Variants in MMP20 observed in about 807,000 individuals in gnomAD.
The protein encoded by MMP20 is matrix metallopeptidase 20, also known as matrix metalloproteinase-20.
MMP20 carries 50 observed loss-of-function variants against 51.8 expected under a neutral mutation model. The ratio of observed to expected loss-of-function variants is 0.97; its 90% CI spans 0.77 to 1.22. MMP20 has a LOEUF of 1.22. Among genes scored for constraint, MMP20 ranks in the 50% most tolerant of loss-of-function variants. The pLI, the probability that MMP20 is intolerant of heterozygous loss-of-function variation, is 0.00. For synonymous variants in MMP20, 244 were observed against 216.2 expected (o/e 1.13, Z -1.13); for missense variants, 663 against 601.4 (o/e 1.10, Z -1.07).
At chr11:102,623,612 G>C (rs915505746) in intron 1 of MMP20, among the ~76,000 whole-genome samples, 1 of 152,180 alleles carries the variant, frequency 6.6e-6, no homozygotes, top group Non-Finnish European at 1.5e-5. Flanking sequence ...CTGGTCAGGG[G>C]TGACTAATTT....
intron 8 of MMP20, among the ~76,000 whole-genome samples, chr11:102,581,258 GC>G (rs1478601410): frequency 6.6e-6 from 1 of 152,054 alleles, no homozygotes; most frequent in African/African-American, 2.4e-5. Flanking sequence ...ATTTATTCTG[GC>G]CCCAAGAACA....
intron 1 of MMP20, 117 bp from the exon 2 acceptor site, chr11:102,617,176 C>T: frequency 8.0e-7 from 1 of 1,250,744 alleles, no homozygotes; most frequent in East Asian, 2.4e-5. Context: ...AGTATTTTCC[C>T]ATTTATGAAA....
rs1168517234 is a variant in MMP20, at chr11:102,601,125, C to CTTTTTTTTTTTTTTT, written c.953+5395_953+5409dup. Among the ~76,000 whole-genome samples the CTTTTTTTTTTTTTTT allele has an allele frequency of 1.8e-4, 5 of 28,266 alleles. 1 individual carries two copies. The highest frequency in any genetic ancestry group is 5.1e-4 in the African/African-American group (3 of 5,852). The allele number at this position is 28,266 out of a possible 152,430, so 18.5% of individuals were successfully genotyped here. On this transcript the variant is annotated intron_variant, in intron 6 of 9. Coordinates refer to ENST00000260228, the MANE Select transcript of MMP20 (RefSeq NM_004771.4). Reference sequence around the variant, plus strand: ...AAATGACCACGAAGTGTCGGCTATTCTTTTTTTTTTTTTTTTTTTTTTTTT... The same window carrying CTTTTTTTTTTTTTTT: ...AAATGACCACGAAGTGTCGGCTATTCTTTTTTTTTTTTTTTTTTTTTTTTTTTTTTTTTTTTTTTT...
chr11:102,593,095 T>A (rs2292733), intron 8 of MMP20, among the ~76,000 whole-genome samples: 54,277 of 152,068 alleles, frequency 0.36, 10,037 homozygotes, highest in East Asian at 0.46. Flanking sequence ...GATGGTCACA[T>A]AACAGCAAAG....
intron 3 of MMP20, among the ~76,000 whole-genome samples, chr11:102,610,369 G>C (rs1272752775): frequency 6.6e-6 from 1 of 152,006 alleles, no homozygotes; most frequent in Non-Finnish European, 1.5e-5. Flanking sequence ...GGGCGGGGCG[G>C]GGCGGCGGGG....
At chr11:102,580,588 G>A (rs771663367) in intron 8 of MMP20, among the ~76,000 whole-genome samples, 5 of 152,240 alleles carry the variant, frequency 3.3e-5, no homozygotes, top group Non-Finnish European at 5.9e-5. Flanking sequence ...GGAGCTAGGG[G>A]TGGAAGCTAA....
intron 1 of MMP20, among the ~76,000 whole-genome samples, chr11:102,623,437 G>T (rs1859775923): frequency 1.3e-5 from 2 of 152,296 alleles, no homozygotes; most frequent in South Asian, 4.1e-4. Context: ...CATGTGTGAG[G>T]GACCTAGGTT....
At chr11:102,595,146 C>T (rs143943300) in intron 6 of MMP20, among the ~76,000 whole-genome samples, 109 of 152,170 alleles carry the variant, frequency 7.2e-4, no homozygotes, top group Non-Finnish European at 1.1e-3. Flanking sequence ...AGGCTGGTCT[C>T]GAACTCCTGA....
chr11:102,616,090 A>T (rs1241599761), intron 2 of MMP20, among the ~76,000 whole-genome samples: 1 of 152,094 alleles, frequency 6.6e-6, no homozygotes. Flanking sequence ...CCCTTGGTTT[A>T]TAAGGGATGA....
At chr11:102,588,699 G>GT (rs1401611390) in intron 8 of MMP20, among the ~76,000 whole-genome samples, 1 of 151,600 alleles carries the variant, frequency 6.6e-6, no homozygotes, top group East Asian at 1.9e-4. Flanking sequence ...CTGGATTTTT[G>GT]TGGGGGCTTG....
Position 102,606,522 on chromosome 11 carries a change from G to A in MMP20, c.953+13C>T, listed in dbSNP as rs17098826. On this transcript the variant is annotated intron_variant, in intron 6 of 9. Transcript: ENST00000260228. The stretch of plus-strand genomic sequence containing the variant: ...GAGGCCCAATGAGAGTCGGTGGCGT[G>A]TCTGAGGCTTACCGGTCCTTGAAGA... 2.5e-6 allele frequency: 4 copies of A among 1,613,688 alleles called. No homozygotes were observed. The highest frequency in any genetic ancestry group is 2.2e-5 in the South Asian group (2 of 91,066).
intron 8 of MMP20, among the ~76,000 whole-genome samples, chr11:102,590,502 A>G (rs937711982): frequency 3.4e-4 from 51 of 152,182 alleles, no homozygotes; most frequent in African/African-American, 1.2e-3. Flanking sequence ...TCCTCTGTGG[A>G]GGAAGTTCCT....
intron 8 of MMP20, among the ~76,000 whole-genome samples, chr11:102,589,086 G>A (rs1784448): frequency 0.28 from 43,106 of 152,064 alleles, 6,449 homozygotes; most frequent in South Asian, 0.39. Context: ...CCCTAGAAAG[G>A]CATTGACACT....
At chr11:102,622,301 G>A (rs530881701) in intron 1 of MMP20, among the ~76,000 whole-genome samples, 1 of 152,228 alleles carries the variant, frequency 6.6e-6, no homozygotes, top group Admixed American at 6.5e-5. Flanking sequence ...GCATCCCTAA[G>A]CACTCTCTCT....
chr11:102,581,929 A>G (rs1361244689), intron 8 of MMP20, among the ~76,000 whole-genome samples: 7 of 152,204 alleles, frequency 4.6e-5, no homozygotes, highest in Admixed American at 4.6e-4. Flanking sequence ...AAATCATTGC[A>G]TATATCCTCT....
intron 9 of MMP20, 151 bp downstream of exon 9, chr11:102,578,888 C>T (rs1324215363): frequency 1.4e-5 from 9 of 650,602 alleles, no homozygotes; most frequent in African/African-American, 3.6e-5. Flanking sequence ...TTCTAGTGGA[C>T]AATCTGTTTA....
chr11:102,609,772 T>C, intron 4 of MMP20, 133 bp downstream of exon 4: 1 of 1,287,944 alleles, frequency 7.8e-7, no homozygotes, highest in South Asian at 1.2e-5. Context: ...TTTTGGATTT[T>C]TGGCTTACTT....
In MMP20 at chr11:102,625,329, G is replaced by A; in HGVS notation, c.-10C>T. The A allele has an allele frequency of 6.2e-7, 1 of 1,612,708 alleles. No homozygotes were observed. Among genetic ancestry groups the A allele is most frequent in the Non-Finnish European group, 8.5e-7 (1 of 1,179,288 alleles). ...CAGGGAGCACCTTCATCCCCTCACAGTAGCTTGGTAATTATATCAGCCTGG... is the reference window on the plus strand; with the variant it reads ...CAGGGAGCACCTTCATCCCCTCACAATAGCTTGGTAATTATATCAGCCTGG... On this transcript the variant is annotated 5_prime_UTR_variant, in exon 1 of 10. Transcript: ENST00000260228.
intron 6 of MMP20, among the ~76,000 whole-genome samples, chr11:102,602,427 T>C (rs1436028324): frequency 6.6e-6 from 1 of 152,094 alleles, no homozygotes; most frequent in Admixed American, 6.6e-5. Context: ...TCTATGAACA[T>C]CCTCCTCTTT....
Sources: gnomAD v4.1 joint callset for allele counts (sites outside exome capture counted in the v4.1 genomes callset) on GRCh38, gnomAD v4.1.1 for gene constraint, MANE v1.5 for transcripts, NCBI Gene and HGNC (gene_info 2026-07-23, HGNC 2026-07-21) for gene names.